The following PRSS3 variants were observed in gnomAD, a reference collection of about 807,000 sequenced individuals.
The protein encoded by PRSS3 is serine protease 3.
PRSS3 carries 14 observed loss-of-function variants against 20.8 expected under a neutral mutation model. The ratio of observed to expected loss-of-function variants is 0.67; its 90% CI spans 0.44 to 1.05. The LOEUF is 1.05. Among genes scored for constraint, PRSS3 ranks in the 50% least tolerant of loss-of-function variants. The pLI, the probability that PRSS3 is intolerant of heterozygous loss-of-function variation, is 0.00. For synonymous variants in PRSS3, 91 were observed against 117.6 expected, an observed-to-expected ratio of 0.77 and a Z score of 1.46; for missense variants, 237 against 306.4, an observed-to-expected ratio of 0.77 and a Z score of 1.69.
chr9:33,784,995 A>G (rs1434809751), intron 1 of PRSS3, among the ~76,000 whole-genome samples: 2 of 152,146 alleles, frequency 1.3e-5, no homozygotes, highest in Non-Finnish European at 2.9e-5. Flanking sequence ...TAGTGTGACA[A>G]TAATAAATAG....
At chr9:33,786,872 C>G in intron 1 of PRSS3, 1 of 658,478 alleles carries the variant, frequency 1.5e-6, no homozygotes, top group Admixed American at 2.2e-5. Flanking sequence ...AGAACCTCAG[C>G]TCCCTTCTAC....
chr9:33,785,205 T>C (rs1410629584), intron 1 of PRSS3, among the ~76,000 whole-genome samples: 2 of 124,436 alleles, frequency 1.6e-5, no homozygotes, highest in Non-Finnish European at 3.2e-5. Context: ...TGAGACGGAG[T>C]CTCGCTCTGT....
intron 1 of PRSS3, among the ~76,000 whole-genome samples, chr9:33,769,590 T>A (rs10971694): frequency 0.26 from 38,953 of 152,182 alleles, 5,206 homozygotes; most frequent in Non-Finnish European, 0.28. Context: ...TACAGCGATA[T>A]GGCTATGATC....
chr9:33,764,440 G>T (rs1381387050), intron 1 of PRSS3, among the ~76,000 whole-genome samples: 1 of 152,188 alleles, frequency 6.6e-6, no homozygotes, highest in African/African-American at 2.4e-5. Flanking sequence ...GGCTGAGGCG[G>T]GAGAATCGCT....
chr9:33,788,053 A>G (rs1274741942), intron 1 of PRSS3, among the ~76,000 whole-genome samples: 1 of 152,128 alleles, frequency 6.6e-6, no homozygotes, highest in Non-Finnish European at 1.5e-5. Context: ...GTTTTATATC[A>G]CAGAGCAACT....
At chr9:33,794,017 C>G (rs1262784592), upstream of PRSS3, among the ~76,000 whole-genome samples, 2 of 152,226 alleles carry the variant, frequency 1.3e-5, no homozygotes. Flanking sequence ...AGCAGTGGAT[C>G]TCCTGGCTTT....
intron 1 of PRSS3, among the ~76,000 whole-genome samples, chr9:33,751,854 G>A (rs979875362): frequency 2.6e-5 from 4 of 152,194 alleles, no homozygotes; most frequent in South Asian, 2.1e-4. Context: ...GGGCCCAGTG[G>A]CGTCAGACTT....
upstream of PRSS3, chr9:33,794,765 G>A: frequency 9.0e-6 from 14 of 1,550,220 alleles, no homozygotes; most frequent in Non-Finnish European, 1.1e-5. Context: ...ACAACCGTGA[G>A]GCTGCATAAA....
upstream of PRSS3, chr9:33,794,679 G>T: frequency 3.4e-6 from 5 of 1,471,914 alleles, no homozygotes; most frequent in East Asian, 1.0e-4. Flanking sequence ...CTGATCAGGG[G>T]CATGTCATTC....
intron 1 of PRSS3, among the ~76,000 whole-genome samples, chr9:33,766,063 G>A (rs1356030014): frequency 4.6e-5 from 7 of 151,480 alleles, no homozygotes; most frequent in East Asian, 2.0e-4. Context: ...TCACCAGTTC[G>A]AGATCAGCCT....
At chr9:33,761,833 C>T (rs775216624) in intron 1 of PRSS3, among the ~76,000 whole-genome samples, 1 of 152,034 alleles carries the variant, frequency 6.6e-6, no homozygotes, top group African/African-American at 2.4e-5. Flanking sequence ...GAGTTGAGAT[C>T]GTGCCACTGT....
At chr9:33,787,308 A>C (rs1046110936) in intron 1 of PRSS3, among the ~76,000 whole-genome samples, 1 of 152,204 alleles carries the variant, frequency 6.6e-6, no homozygotes, top group African/African-American at 2.4e-5. Context: ...AGGAATTATA[A>C]AGCCCTCTAG....
chr9:33,793,298 C>G (rs1464426147), upstream of PRSS3, among the ~76,000 whole-genome samples: 2 of 152,214 alleles, frequency 1.3e-5, no homozygotes, highest in Admixed American at 6.5e-5. Flanking sequence ...TCTACAGTTG[C>G]TACAGCAAGA....
At chr9:33,779,054 G>A (rs1824065533) in intron 1 of PRSS3, among the ~76,000 whole-genome samples, 1 of 152,156 alleles carries the variant, frequency 6.6e-6, no homozygotes, top group African/African-American at 2.4e-5. Context: ...ACAGAGCCCT[G>A]GCCCTCTGAA....
intron 1 of PRSS3, among the ~76,000 whole-genome samples, chr9:33,781,281 C>T (rs142809588): frequency 5.9e-5 from 9 of 152,216 alleles, no homozygotes; most frequent in South Asian, 2.1e-4. Flanking sequence ...TGGAATCAAG[C>T]GAGGTGCCCA....
chr9:33,758,163 T>C (rs1443393889), intron 1 of PRSS3, among the ~76,000 whole-genome samples: 1 of 152,210 alleles, frequency 6.6e-6, no homozygotes, highest in Non-Finnish European at 1.5e-5. Context: ...TCTGTTCTAA[T>C]GGTCATTTTT....
At chr9:33,751,442 C>G (rs1164677533) in intron 1 of PRSS3, among the ~76,000 whole-genome samples, 1 of 152,178 alleles carries the variant, frequency 6.6e-6, no homozygotes, top group Non-Finnish European at 1.5e-5. Flanking sequence ...AGAGAAACAA[C>G]CTCTGAAGCT....
In PRSS3 at chr9:33,785,766, C is replaced by A. The variant is rs188515542; in HGVS notation, c.-52-8980C>A. Among the ~76,000 whole-genome samples, 16 of 152,190 alleles carry A rather than the reference C, an allele frequency of 1.1e-4. No homozygotes were observed. In the East Asian group the frequency reaches 2.9e-3, roughly 28 times the overall value. The stretch of plus-strand genomic sequence containing the variant: ...GGAGAGGGGAATTGAGGAATAAGAG[C>A]CCATTTATTGGTGTGTGTATGTGTT... On this transcript the variant is annotated intron_variant, in intron 1 of 5. Coordinates refer to the PRSS3 transcript ENST00000342836.
intron 1 of PRSS3, among the ~76,000 whole-genome samples, chr9:33,759,347 A>C (rs573559724): frequency 1.3e-5 from 2 of 152,310 alleles, no homozygotes; most frequent in East Asian, 3.9e-4. Context: ...ATTCATGGAC[A>C]GCAGGACTAG....
Sources: allele counts gnomAD v4.1 joint callset (sites outside exome capture counted in the v4.1 genomes callset), GRCh38; gene constraint gnomAD v4.1.1; transcripts MANE v1.5; gene names NCBI Gene and HGNC (gene_info 2026-07-23, HGNC 2026-07-21).